CFAP77: variants seen among roughly 807,000 people sequenced by gnomAD.
CFAP77 encodes cilia- and flagella-associated protein 77.
A neutral mutation model predicts 31.1 loss-of-function variants in CFAP77; 25 were observed. That is an observed-to-expected ratio of 0.80 (90% confidence interval 0.59 to 1.12). CFAP77 has a LOEUF of 1.12. Among genes scored for constraint, CFAP77 ranks in the 50% most tolerant of loss-of-function variants. The pLI is 0.00. For synonymous variants in CFAP77, 151 were observed against 159.9 expected, an observed-to-expected ratio of 0.94 and a Z score of 0.42; for missense variants, 377 against 397.3, an observed-to-expected ratio of 0.95 and a Z score of 0.44.
intron 1 of CFAP77, among the ~76,000 whole-genome samples, chr9:132,450,626 C>T (rs1367397520): frequency 6.6e-6 from 1 of 152,162 alleles, no homozygotes; most frequent in East Asian, 1.9e-4. Flanking sequence ...GATTTGAACT[C>T]TGTGGTCTGC....
intron 3 of CFAP77, among the ~76,000 whole-genome samples, chr9:132,531,625 TGG>T (rs57104311): frequency 2.3e-4 from 15 of 66,112 alleles, no homozygotes; most frequent in African/African-American, 1.9e-4. Context: ...GGCTAAGACA[TGG>T]GGGGGGGGGC....
intron 1 of CFAP77, among the ~76,000 whole-genome samples, chr9:132,438,756 A>G (rs1207272411): frequency 4.0e-5 from 6 of 151,500 alleles, no homozygotes; most frequent in African/African-American, 1.5e-4. Flanking sequence ...GCTGTTCTCA[A>G]ACTCCTGAGC....
At chr9:132,533,500 C>T (rs559578594) in intron 3 of CFAP77, among the ~76,000 whole-genome samples, 69 of 152,302 alleles carry the variant, frequency 4.5e-4, no homozygotes, top group Middle Eastern at 3.4e-3. Flanking sequence ...CAGCTGCTGG[C>T]GGCTCCAGGC....
intron 1 of CFAP77, among the ~76,000 whole-genome samples, chr9:132,428,174 GTT>G (rs111938414): frequency 1.9e-3 from 274 of 144,294 alleles, no homozygotes; most frequent in African/African-American, 6.5e-3. Flanking sequence ...TAATTTTTAA[GTT>G]TTTTTTTTTT....
intron 1 of CFAP77, among the ~76,000 whole-genome samples, chr9:132,431,437 T>C (rs997197565): frequency 6.6e-6 from 1 of 152,178 alleles, no homozygotes; most frequent in Non-Finnish European, 1.5e-5. Flanking sequence ...GAGATAATTA[T>C]CCAGATTTAG....
intron 5 of CFAP77, among the ~76,000 whole-genome samples, chr9:132,553,309 C>T (rs139164635): frequency 0.011 from 1,666 of 152,234 alleles, 39 homozygotes; most frequent in African/African-American, 0.037. Flanking sequence ...GATTCACATA[C>T]GCTTTTTGTT....
intron 3 of CFAP77, among the ~76,000 whole-genome samples, chr9:132,520,109 C>G (rs796922534): frequency 6.7e-6 from 1 of 149,632 alleles, no homozygotes; most frequent in African/African-American, 2.5e-5. Context: ...TCTGCTACAC[C>G]GCAACAGTGT....
At chr9:132,483,052 A>G (rs1851476635) in intron 1 of CFAP77, among the ~76,000 whole-genome samples, 1 of 151,680 alleles carries the variant, frequency 6.6e-6, no homozygotes, top group Admixed American at 6.6e-5. Flanking sequence ...CAGGCAGATC[A>G]CCTGAGGTCA....
Position 132,572,914 on chromosome 9 carries a change from CAG to C in CFAP77, c.*405_*406del, listed in dbSNP as rs1182273493. On this transcript the variant is annotated 3_prime_UTR_variant, in exon 6 of 6. Coordinates refer to ENST00000393216, the MANE Select transcript of CFAP77 (RefSeq NM_001282957.2). ...TGTGTATTTGCTGCAGAAAGCATGA[CAG>C]TGACGTGCTTTGAAAGCCCTCATTT... 5.3e-6 allele frequency: 1 copy of C among 188,662 alleles called. No homozygotes were observed. The highest frequency in any genetic ancestry group is 2.3e-5 in the African/African-American group (1 of 42,742). The allele number at this position is 188,662 out of a possible 1,614,324, so 11.7% of individuals were successfully genotyped here. A position where few individuals can be genotyped will look rare whatever the true frequency, so the allele number is the denominator to read the frequency against.
At chr9:132,442,873 G>A (rs1817904060) in intron 1 of CFAP77, among the ~76,000 whole-genome samples, 1 of 152,108 alleles carries the variant, frequency 6.6e-6, no homozygotes. Flanking sequence ...TTCACTGGCA[G>A]TTCATGCATT....
At chr9:132,567,546 C>T (rs559975727) in intron 5 of CFAP77, among the ~76,000 whole-genome samples, 3 of 152,326 alleles carry the variant, frequency 2.0e-5, no homozygotes, top group Middle Eastern at 6.8e-3. Context: ...CCAGCAGGGC[C>T]AGCCACAGCC....
rs1437025096 is a variant in CFAP77 at position 132,495,342 on chromosome 9, G to A, written c.196-3353G>A. Among the ~76,000 whole-genome samples the A allele has an allele frequency of 3.3e-5, 5 of 152,186 alleles. No homozygotes were observed. Among genetic ancestry groups the A allele is most frequent in the Non-Finnish European group, 7.3e-5 (5 of 68,034 alleles). On this transcript the variant is annotated intron_variant, in intron 1 of 5. Transcript: ENST00000393216. This position sits in a 1 kb window ranked among gnomAD's most constrained non-coding sequence, Gnocchi z 4.2. Reference sequence around the variant, plus strand: ...GAGTCTGTCTGTCATTCCCCTGCCAGCTGAAACTCTGCCCACCTGCACCTG... The same window carrying A: ...GAGTCTGTCTGTCATTCCCCTGCCAACTGAAACTCTGCCCACCTGCACCTG...
At chr9:132,518,122 C>T (rs1355722347) in intron 3 of CFAP77, among the ~76,000 whole-genome samples, 1 of 152,114 alleles carries the variant, frequency 6.6e-6, no homozygotes, top group Non-Finnish European at 1.5e-5. Flanking sequence ...CAGGAGTCCA[C>T]AGGCAAGCCC....
intron 1 of CFAP77, among the ~76,000 whole-genome samples, chr9:132,447,535 C>T (rs1364401069): frequency 4.6e-5 from 7 of 152,160 alleles, no homozygotes; most frequent in African/African-American, 7.2e-5. Context: ...CCACCAGGAG[C>T]GCGTGGCCTT....
rs1851447889 is a variant in CFAP77 at position 132,481,604 on chromosome 9, A to G, written c.196-17091A>G. On this transcript the variant is annotated intron_variant, in intron 1 of 5. Coordinates refer to ENST00000393216, the MANE Select transcript of CFAP77 (RefSeq NM_001282957.2). This position sits in a 1 kb window ranked among gnomAD's most constrained non-coding sequence, Gnocchi z 5.0. ...CATCTGCCCTAGGAAATGTCAACCC[A>G]GAACCAATCATAAAGCAACCCCAGA... 6.6e-6 allele frequency among the ~76,000 whole-genome samples: 1 copy of G among 152,174 alleles called. No individual in the cohort carries two copies. Among genetic ancestry groups the G allele is most frequent in the South Asian group, 2.1e-4 (1 of 4,826 alleles).
At position 132,497,730 on chromosome 9, in the gene CFAP77, C is replaced by A. The variant is rs566568692; in HGVS notation, c.196-965C>A. ...GATGGTAATGAGACCTGCCTCACTG[C>A]GCAGCTATGCAGACGGCATGAGGGA... On this transcript the variant is annotated intron_variant, in intron 1 of 5. Transcript: ENST00000393216. This position sits in a 1 kb window ranked among gnomAD's most constrained non-coding sequence, Gnocchi z 4.9. 6.6e-6 allele frequency among the ~76,000 whole-genome samples: 1 copy of A among 152,156 alleles called. No individual in the cohort carries two copies. Among genetic ancestry groups the A allele is most frequent in the Admixed American group, 6.5e-5 (1 of 15,284 alleles).
chr9:132,459,346 C>T (rs543491413), intron 1 of CFAP77, among the ~76,000 whole-genome samples: 1 of 152,148 alleles, frequency 6.6e-6, no homozygotes, highest in African/African-American at 2.4e-5. Context: ...GCTGGGATTA[C>T]AGGAGTGAAC....
chr9:132,572,391 G>T lies in CFAP77; in HGVS notation c.736G>T (p.Gly246Cys). The T allele has an allele frequency of 6.2e-7, 1 of 1,613,264 alleles. No homozygotes were observed. Residue 246 changes from glycine (G) to cysteine (C), a missense_variant, in exon 6 of 6, where the codon GGC (glycine) becomes TGC (cysteine). Physicochemically the swap from Gly to Cys is radical, Grantham distance 159. Transcript: ENST00000393216. The stretch of plus-strand genomic sequence containing the variant: ...CACTCTTCCCTTCTATCCACAGGTG[G>T]GCCGCCACCTTGATACGTTCCCCAC... The part of the protein sequence containing the change: ...LWHMPHFQKV[G>C]RHLDTFPTEA...
At chr9:132,453,689 C>T (rs765942192) in intron 1 of CFAP77, among the ~76,000 whole-genome samples, 10 of 152,134 alleles carry the variant, frequency 6.6e-5, no homozygotes, top group Non-Finnish European at 1.0e-4. Context: ...CCAGGGGCAC[C>T]AGGTAATGAA....
Sources: allele counts gnomAD v4.1 joint callset (sites outside exome capture counted in the v4.1 genomes callset), GRCh38; gene constraint gnomAD v4.1.1; non-coding constraint Gnocchi (gnomAD v3.1); transcripts MANE v1.5; gene names NCBI Gene and HGNC (gene_info 2026-07-23, HGNC 2026-07-21).